Variants in RBFOX3 observed in about 807,000 individuals in gnomAD.
RBFOX3 encodes RNA binding fox-1 homolog 3.
RBFOX3 carries 17 observed loss-of-function variants against 48.7 expected under a neutral mutation model. The observed-to-expected ratio is 0.35, with a 90% CI of 0.24 to 0.52. RBFOX3 has a LOEUF of 0.52. Ranked by LOEUF, RBFOX3 falls within the 20% of genes least tolerant of loss-of-function variation. RBFOX3 has a pLI of 0.94. For missense variants in RBFOX3, 382 were observed against 497.5 expected (o/e 0.77, Z 2.21); for synonymous variants, 212 against 209.5 (o/e 1.01, Z -0.10).
At chr17:79,619,491 A>G in the RBFOX3 span, among the ~76,000 whole-genome samples, 1 of 152,182 alleles carries the variant, frequency 6.6e-6, no homozygotes, top group African/African-American at 2.4e-5. Context: ...GTCTTCATGC[A>G]GCCTTCTCCT....
chr17:79,315,833 G>A (rs913836654), intron 2 of RBFOX3, among the ~76,000 whole-genome samples: 19 of 152,198 alleles, frequency 1.2e-4, no homozygotes, highest in African/African-American at 4.3e-4. Flanking sequence ...GCGCGCCGAG[G>A]GGATTCTGGT....
rs895613905 is a variant in RBFOX3 at position 79,272,140 on chromosome 17, G to T, written c.-74+35584C>A. 2.0e-5 allele frequency among the ~76,000 whole-genome samples: 3 copies of T among 152,220 alleles called. No homozygotes were observed. The South Asian group carries it at 6.2e-4, about 32-fold the overall frequency. ...TAACACCAGCTTTGGGGTGTGTGGG[G>T]CTCCCTGCTGGAGAGAAACAGTCCA... On this transcript the variant is annotated intron_variant, in intron 3 of 14. Coordinates refer to ENST00000693108, the MANE Select transcript of RBFOX3 (RefSeq NM_001350451.2).
At chr17:79,386,997 T>C (rs141577168) in intron 2 of RBFOX3, among the ~76,000 whole-genome samples, 2 of 152,348 alleles carry the variant, frequency 1.3e-5, no homozygotes, top group East Asian at 3.9e-4. Context: ...TCTTGCAGAA[T>C]TCTTTTTCAC....
chr17:79,660,051 G>A, the RBFOX3 span, among the ~76,000 whole-genome samples: 27 of 152,178 alleles, frequency 1.8e-4, no homozygotes, highest in Admixed American at 7.2e-4. Context: ...ACAGGGCATG[G>A]TGGCGGGCGC....
intron 1 of RBFOX3, among the ~76,000 whole-genome samples, chr17:79,517,388 G>A (rs2085394458): frequency 6.7e-6 from 1 of 149,558 alleles, no homozygotes; most frequent in East Asian, 2.0e-4. Flanking sequence ...GAGGTTGCAG[G>A]GAGCCAAGAT....
At chr17:79,346,264 A>C (rs2082906475) in intron 2 of RBFOX3, among the ~76,000 whole-genome samples, 1 of 152,136 alleles carries the variant, frequency 6.6e-6, no homozygotes, top group Non-Finnish European at 1.5e-5. Context: ...TCATCCACCT[A>C]TGTCCATTTT....
At chr17:79,462,562 C>T (rs1355741908) in intron 2 of RBFOX3, among the ~76,000 whole-genome samples, 1 of 152,132 alleles carries the variant, frequency 6.6e-6, no homozygotes, top group Non-Finnish European at 1.5e-5. Context: ...TGCCTGGAGA[C>T]ATTATTGGTT....
chr17:79,241,991 C>T (rs894082009), intron 3 of RBFOX3, among the ~76,000 whole-genome samples: 15 of 152,314 alleles, frequency 9.8e-5, no homozygotes, highest in South Asian at 2.1e-4. Context: ...GGGGAGTGAC[C>T]GACATTTAGT....
chr17:79,183,745 G>C (rs2052745022), intron 4 of RBFOX3, among the ~76,000 whole-genome samples: 1 of 152,236 alleles, frequency 6.6e-6, no homozygotes, highest in Non-Finnish European at 1.5e-5. Flanking sequence ...AGCGGTGGGA[G>C]GGGGAGTCCC....
chr17:79,370,696 C>T (rs2058421559), intron 2 of RBFOX3, among the ~76,000 whole-genome samples: 1 of 152,202 alleles, frequency 6.6e-6, no homozygotes, highest in Non-Finnish European at 1.5e-5. Context: ...CTCATACACC[C>T]TGAAATGCAC....
chr17:79,345,532 A>G (rs1163394602), intron 2 of RBFOX3, among the ~76,000 whole-genome samples: 1 of 152,098 alleles, frequency 6.6e-6, no homozygotes, highest in Admixed American at 6.5e-5. Context: ...GTTAAACGCT[A>G]CTCATTGTGG....
chr17:79,144,233 G>C (rs2042541751), intron 4 of RBFOX3, among the ~76,000 whole-genome samples: 1 of 152,232 alleles, frequency 6.6e-6, no homozygotes, highest in Non-Finnish European at 1.5e-5. Flanking sequence ...GGTGGCCAAT[G>C]GGCCTGCTCT....
intron 1 of RBFOX3, among the ~76,000 whole-genome samples, chr17:79,582,321 T>C (rs905246158): frequency 3.3e-5 from 5 of 152,236 alleles, no homozygotes; most frequent in African/African-American, 1.2e-4. Flanking sequence ...TGTGTGTGTG[T>C]GCCTGTGCCT....
intron 4 of RBFOX3, among the ~76,000 whole-genome samples, chr17:79,193,245 C>G (rs1056902565): frequency 2.0e-5 from 3 of 152,082 alleles, no homozygotes; most frequent in East Asian, 1.9e-4. Flanking sequence ...AGATTACGCT[C>G]GGAAGCCGGG....
rs149595852 is a variant in RBFOX3 at position 79,174,038 on chromosome 17, G to A, written c.-33-58290C>T. ...TCTAGTTCCTTGTGAAGTCCCATCC[G>A]CTTATTAGCTACACCAGGAGACACA... On this transcript the variant is annotated intron_variant, in intron 4 of 14. Coordinates refer to ENST00000693108, the MANE Select transcript of RBFOX3 (RefSeq NM_001350451.2). 5.9e-3 allele frequency among the ~76,000 whole-genome samples: 899 copies of A among 152,122 alleles called. 12 individuals carry two copies. Among genetic ancestry groups the A allele is most frequent in the African/African-American group, 0.02 (846 of 41,480 alleles).
intron 4 of RBFOX3, among the ~76,000 whole-genome samples, chr17:79,184,507 C>A (rs964290663): frequency 2.0e-5 from 3 of 152,202 alleles, no homozygotes; most frequent in East Asian, 1.9e-4. Context: ...CACACACCCA[C>A]TGGCCTGCCC....
At chr17:79,495,100 G>C (rs1353597931) in intron 1 of RBFOX3, among the ~76,000 whole-genome samples, 6 of 151,968 alleles carry the variant, frequency 3.9e-5, no homozygotes, top group Non-Finnish European at 8.8e-5. Flanking sequence ...CCCCGTTAAG[G>C]GTCGAAGCCC....
At chr17:79,427,128 C>T (rs533677565) in intron 2 of RBFOX3, among the ~76,000 whole-genome samples, 3 of 152,174 alleles carry the variant, frequency 2.0e-5, no homozygotes, top group Non-Finnish European at 2.9e-5. Context: ...GTATGGTGCT[C>T]GGAGCAGTAG....
intron 4 of RBFOX3, among the ~76,000 whole-genome samples, chr17:79,154,384 G>C: frequency 6.6e-6 from 1 of 152,216 alleles, no homozygotes; most frequent in East Asian, 1.9e-4. Flanking sequence ...CTGTGAGCCT[G>C]TGAGGACCAA....
Sources: gnomAD v4.1 joint callset for allele counts (sites outside exome capture counted in the v4.1 genomes callset) on GRCh38, gnomAD v4.1.1 for gene constraint, MANE v1.5 for transcripts, NCBI Gene and HGNC (gene_info 2026-07-23, HGNC 2026-07-21) for gene names.